NFAT5: variants seen among roughly 807,000 people sequenced by gnomAD.
NFAT5 encodes the protein nuclear factor of activated T-cells 5.
A neutral mutation model predicts 166.5 loss-of-function variants in NFAT5; 31 were observed. That is an observed-to-expected ratio of 0.19 (90% confidence interval 0.14 to 0.25). The LOEUF is 0.25. NFAT5 is among the 10% of genes least tolerant of loss of function. NFAT5 has a pLI of 1.00. For synonymous variants in NFAT5, 612 were observed against 639.7 expected (o/e 0.96, Z 0.65); for missense variants, 1,449 against 1,821.8 (o/e 0.80, Z 3.72).
intron 10 of NFAT5, 149 bp downstream of exon 10, chr16:69,677,484 A>G: frequency 1.6e-6 from 1 of 613,738 alleles, no homozygotes; most frequent in Non-Finnish European, 2.7e-6. Context: ...TTATTTTCTA[A>G]GAGGACAGCC....
intron 12 of NFAT5, 77 bp from the exon 13 acceptor site, chr16:69,691,672 A>G: frequency 2.7e-6 from 3 of 1,118,004 alleles, no homozygotes; most frequent in Non-Finnish European, 3.9e-6. Context: ...TTTTAGAGCA[A>G]TAGTGATTTT....
In NFAT5 at chr16:69,703,798, A is replaced by G. The variant is rs538538008; in HGVS notation, c.*7447A>G. On this transcript the variant is annotated 3_prime_UTR_variant, in exon 15 of 15. Coordinates refer to ENST00000349945, the MANE Select transcript of NFAT5 (RefSeq NM_138713.4). ...ATTGCATAACATATTCCTGTACCCA[A>G]AGCATTCTACCACAGTTCTATTTGA... 2 of 152,598 alleles carry G rather than the reference A, an allele frequency of 1.3e-5. No individual in the cohort carries two copies. Among genetic ancestry groups the G allele is most frequent in the Admixed American group, 6.6e-5 (1 of 15,264 alleles). 9.5% of individuals were successfully genotyped at this position (152,598 alleles called of 1,614,324 possible).
At chr16:69,567,068 C>A (rs192795998) in intron 1 of NFAT5, among the ~76,000 whole-genome samples, 1,543 of 152,150 alleles carry the variant, frequency 0.01, 16 homozygotes, top group Admixed American at 0.015. Context: ...AATTACTTCT[C>A]CCTTCTCCTT....
At chr16:69,598,910 AG>A (rs1386127608) in intron 2 of NFAT5, among the ~76,000 whole-genome samples, 2 of 150,794 alleles carry the variant, frequency 1.3e-5, no homozygotes, top group Non-Finnish European at 3.0e-5. Context: ...GCTACTCAGG[AG>A]GGTGAGGCAG....
chr16:69,574,659 A>G (rs1042576383), intron 2 of NFAT5, among the ~76,000 whole-genome samples: 2 of 151,258 alleles, frequency 1.3e-5, no homozygotes, highest in Non-Finnish European at 2.9e-5. Flanking sequence ...AAAAATATAT[A>G]CTTTTCTCTT....
chr16:69,584,608 G>A (rs991786127), intron 2 of NFAT5, among the ~76,000 whole-genome samples: 2 of 151,586 alleles, frequency 1.3e-5, no homozygotes, highest in African/African-American at 4.8e-5. Context: ...GCTATATATA[G>A]CAAGACACCA....
Position 69,693,155 on chromosome 16 carries a change from C to A in NFAT5, c.3330C>A (p.Leu1110=). The A allele has an allele frequency of 6.2e-7, 1 of 1,614,136 alleles. No homozygotes were observed. The highest frequency in any genetic ancestry group is 8.5e-7 in the Non-Finnish European group (1 of 1,180,014). Residue 1110 remains leucine, a synonymous_variant, in exon 13 of 15, where the codon CTC becomes CTA. Transcript: ENST00000349945. ...QNLSQETQGS[L]FHSPNPIVHS... ...TTTCCCAGGAAACTCAAGGTTCTCT[C>A]TTTCATAGTCCAAATCCTATTGTCC...
chr16:69,652,093 G>C (rs908093339), intron 4 of NFAT5, among the ~76,000 whole-genome samples: 11 of 152,088 alleles, frequency 7.2e-5, no homozygotes, highest in Non-Finnish European at 1.5e-4. Flanking sequence ...TTGGGATACT[G>C]TTTTTCTTTG....
intron 2 of NFAT5, among the ~76,000 whole-genome samples, chr16:69,598,345 G>A (rs559237531): frequency 4.8e-5 from 7 of 145,024 alleles, no homozygotes; most frequent in African/African-American, 1.5e-4. Context: ...ACCACTGCAC[G>A]CCAGCCTGGG....
intron 10 of NFAT5, among the ~76,000 whole-genome samples, chr16:69,682,439 C>G (rs369287378): frequency 3.5e-4 from 53 of 151,060 alleles, no homozygotes; most frequent in Non-Finnish European, 6.2e-4. Context: ...GAGACCCCCC[C>G]CCCCGCCATC....
intron 3 of NFAT5, among the ~76,000 whole-genome samples, chr16:69,630,997 T>C (rs1473522599): frequency 1.3e-5 from 2 of 152,228 alleles, no homozygotes; most frequent in Non-Finnish European, 2.9e-5. Context: ...AGTTACTTTC[T>C]TGTTCTATTC....
At chr16:69,670,436 A>T in intron 9 of NFAT5, 148 bp downstream of exon 9, 1 of 564,518 alleles carries the variant, frequency 1.8e-6, no homozygotes. Context: ...GAGTTTCTTT[A>T]ACTGAAATAG....
chr16:69,666,251 T>C (rs1469742769), intron 7 of NFAT5, among the ~76,000 whole-genome samples: 16 of 150,206 alleles, frequency 1.1e-4, no homozygotes, highest in Admixed American at 6.0e-4. Context: ...ATTCAGGACA[T>C]AGGCATGGGC....
intron 2 of NFAT5, among the ~76,000 whole-genome samples, chr16:69,587,669 A>T (rs1395110266): frequency 1.3e-5 from 2 of 152,124 alleles, no homozygotes; most frequent in Admixed American, 1.3e-4. Flanking sequence ...GATTATAGGC[A>T]TGAGCCACTG....
At chr16:69,687,512 G>A (rs9889219) in intron 11 of NFAT5, among the ~76,000 whole-genome samples, 43,458 of 150,444 alleles carry the variant, frequency 0.29, 6,877 homozygotes, top group African/African-American at 0.41. Context: ...GGCCGTAGAA[G>A]GACTTGTGTC....
In NFAT5 at chr16:69,702,732, G is replaced by A. The variant is rs891953824; in HGVS notation, c.*6381G>A. ...GGAACCACTGGGCTAAGACTCTGTT[G>A]AGATATAGAGTTTTTCTTCCACTCA... On this transcript the variant is annotated 3_prime_UTR_variant, in exon 15 of 15. Coordinates refer to ENST00000349945, the MANE Select transcript of NFAT5 (RefSeq NM_138713.4). 1 of 152,600 alleles carries A rather than the reference G, an allele frequency of 6.6e-6. No homozygotes were observed. Among genetic ancestry groups the A allele is most frequent in the Non-Finnish European group, 1.5e-5 (1 of 68,028 alleles). The allele number at this position is 152,600 out of a possible 1,614,324, so 9.5% of individuals were successfully genotyped here.
chr16:69,595,274 AATG>A (rs2032725837), intron 2 of NFAT5, among the ~76,000 whole-genome samples: 1 of 152,194 alleles, frequency 6.6e-6, no homozygotes, highest in Admixed American at 6.5e-5. Flanking sequence ...CCCTTCTTAT[AATG>A]ATGTAAGATG....
intron 3 of NFAT5, among the ~76,000 whole-genome samples, chr16:69,640,450 C>T (rs1423271023): frequency 2.0e-5 from 3 of 152,114 alleles, no homozygotes; most frequent in African/African-American, 2.4e-5. Flanking sequence ...TGTAAGGTGT[C>T]GACAAAGCAG....
chr16:69,686,700 C>T (rs1204835721), intron 11 of NFAT5, among the ~76,000 whole-genome samples: 1 of 151,730 alleles, frequency 6.6e-6, no homozygotes, highest in East Asian at 2.0e-4. Flanking sequence ...CTCATCTCTA[C>T]TAAAAATACA....
Sources: gnomAD v4.1 joint callset for allele counts (sites outside exome capture counted in the v4.1 genomes callset) on GRCh38, gnomAD v4.1.1 for gene constraint, MANE v1.5 for transcripts, NCBI Gene and HGNC (gene_info 2026-07-23, HGNC 2026-07-21) for gene names.